TMEM163: variants seen among roughly 807,000 people sequenced by gnomAD.
TMEM163 encodes the protein transmembrane protein 163.
In TMEM163, 17 loss-of-function variants were observed where a neutral mutation model predicts 29.3. The observed-to-expected ratio is 0.58, with a 90% CI of 0.40 to 0.87. The LOEUF is 0.87. Among genes scored for constraint, TMEM163 ranks in the 40% least tolerant of loss-of-function variants. TMEM163 has a pLI of 0.00. For missense variants in TMEM163, 303 were observed against 381.5 expected (o/e 0.79, Z 1.71); for synonymous variants, 157 against 160.6 (o/e 0.98, Z 0.17).
intron 2 of TMEM163, among the ~76,000 whole-genome samples, chr2:134,599,682 C>T (rs927788321): frequency 2.0e-5 from 3 of 148,810 alleles, no homozygotes; most frequent in Non-Finnish European, 4.4e-5. Context: ...TAGCTATGTT[C>T]CCAACTTTAT....
intron 4 of TMEM163, among the ~76,000 whole-genome samples, chr2:134,523,736 G>A (rs1211829631): frequency 6.6e-6 from 1 of 152,190 alleles, no homozygotes; most frequent in African/African-American, 2.4e-5. Context: ...ATTAAACAGA[G>A]AAACGGGAAG....
Position 134,515,627 on chromosome 2 carries a change from G to C in TMEM163, c.459-12630C>G, listed in dbSNP as rs547769171. ...GAAATTTAAATGTGCCACAAAGGGA[G>C]TGTTTAAGTAACTGTGATACATCAA... On this transcript the variant is annotated intron_variant, in intron 4 of 7. Transcript: ENST00000281924. 2.0e-5 allele frequency among the ~76,000 whole-genome samples: 3 copies of C among 152,274 alleles called. No individual in the cohort carries two copies. The East Asian group carries it at 5.8e-4, about 29-fold the overall frequency.
chr2:134,541,725 T>C (rs1441725839), intron 4 of TMEM163, among the ~76,000 whole-genome samples: 1 of 151,722 alleles, frequency 6.6e-6, no homozygotes, highest in East Asian at 1.9e-4. Context: ...ACGTAGATCA[T>C]CTCTGTTTTA....
At chr2:134,511,654 G>A (rs1203325446) in intron 4 of TMEM163, among the ~76,000 whole-genome samples, 1 of 152,230 alleles carries the variant, frequency 6.6e-6, no homozygotes, top group African/African-American at 2.4e-5. Flanking sequence ...AGACTGGCCG[G>A]AATTCAGTGC....
rs1254633838 is a variant in TMEM163, at chr2:134,547,391, A to G, written c.458+3179T>C. ...TAAGGAAGGTTTCCAGTTGCTTTGC[A>G]TGACTAATTCAAGCTCAAGATTCAT... On this transcript the variant is annotated intron_variant, in intron 4 of 7. Coordinates refer to ENST00000281924, the MANE Select transcript of TMEM163 (RefSeq NM_030923.5). Among the ~76,000 whole-genome samples, 4 of 152,174 alleles carry G rather than the reference A, an allele frequency of 2.6e-5. No individual in the cohort carries two copies. The East Asian group carries it at 7.7e-4, about 29-fold the overall frequency.
rs140533387 is a variant in TMEM163, at chr2:134,564,638, T to C, written c.323-12547A>G. Among the ~76,000 whole-genome samples the C allele has an allele frequency of 4.0e-3, 616 of 152,244 alleles. 9 individuals are homozygous for C. The highest frequency in any genetic ancestry group is 0.014 in the African/African-American group (581 of 41,538). On this transcript the variant is annotated intron_variant, in intron 2 of 7. Transcript: ENST00000281924. ...CCAGGGGACTTATATCCAGAACATA[T>C]AGACTTATAAATCACTAAGAAAGAG...
intron 4 of TMEM163, among the ~76,000 whole-genome samples, chr2:134,508,911 C>T (rs535173482): frequency 1.3e-5 from 2 of 152,196 alleles, no homozygotes; most frequent in African/African-American, 4.8e-5. Flanking sequence ...CCTACCCTCT[C>T]CATGGTAAGA....
Position 134,523,823 on chromosome 2 carries a change from C to T in TMEM163, c.459-20826G>A, listed in dbSNP as rs146276530. Among the ~76,000 whole-genome samples, 762 of 152,258 alleles carry T rather than the reference C, an allele frequency of 5.0e-3. 11 individuals carry two copies. Among genetic ancestry groups the T allele is most frequent in the African/African-American group, 0.018 (733 of 41,546 alleles). On this transcript the variant is annotated intron_variant, in intron 4 of 7. Transcript: ENST00000281924. ...TCTCACCTGAGGAGATTTTTACCCC[C>T]ACTCCACCTCACTTCTCCCCCAACT...
chr2:134,468,983 A>C (rs1686730972), intron 5 of TMEM163: 1 of 152,226 alleles, frequency 6.6e-6, no homozygotes, highest in African/African-American at 2.4e-5. Flanking sequence ...TGGCAGTAAA[A>C]GGTACGAGTT....
At chr2:134,517,550 T>G (rs1680101650) in intron 4 of TMEM163, among the ~76,000 whole-genome samples, 1 of 152,220 alleles carries the variant, frequency 6.6e-6, no homozygotes, top group Admixed American at 6.5e-5. Flanking sequence ...CACACAGTTT[T>G]GTGTTTCATT....
chr2:134,655,803 T>C lies in TMEM163; in HGVS notation c.322+57397A>G, dbSNP rs1173482122. ...CAGCTGCAGGTCTGTTGGAATACCC[T>C]GCCGTGTGAGGTGTCAGTCTGCCCC... is the stretch of plus-strand genomic sequence containing the variant. On this transcript the variant is annotated intron_variant, in intron 2 of 7. Coordinates refer to ENST00000281924, the MANE Select transcript of TMEM163 (RefSeq NM_030923.5). Among the ~76,000 whole-genome samples the C allele has an allele frequency of 1.4e-5, 2 of 141,764 alleles. 1 individual carries two copies. Among genetic ancestry groups the C allele is most frequent in the East Asian group, 3.9e-4 (2 of 5,074 alleles). 93.0% of individuals were successfully genotyped at this position (141,764 alleles called of 152,430 possible).
chr2:134,508,172 T>A (rs1484402431), intron 4 of TMEM163, among the ~76,000 whole-genome samples: 1 of 152,200 alleles, frequency 6.6e-6, no homozygotes, highest in Non-Finnish European at 1.5e-5. Flanking sequence ...ATTGCCTGAG[T>A]CCTAGCCTAC....
intron 2 of TMEM163, among the ~76,000 whole-genome samples, chr2:134,595,439 A>C (rs1682054241): frequency 6.6e-6 from 1 of 152,226 alleles, no homozygotes; most frequent in Admixed American, 6.5e-5. Flanking sequence ...TACAAGGGAC[A>C]TGAACTCATC....
intron 4 of TMEM163, among the ~76,000 whole-genome samples, chr2:134,516,758 GAT>G (rs1558930418): frequency 1.5e-5 from 1 of 66,828 alleles, no homozygotes; most frequent in African/African-American, 8.0e-5. Context: ...TATATGAATA[GAT>G]ATATATGTGC....
chr2:134,639,167 C>G (rs1220709567), intron 2 of TMEM163, among the ~76,000 whole-genome samples: 4 of 152,194 alleles, frequency 2.6e-5, no homozygotes, highest in African/African-American at 9.7e-5. Context: ...GAGCTGCATT[C>G]CACCGAGCTG....
At chr2:134,590,751 C>G (rs1056901796) in intron 2 of TMEM163, among the ~76,000 whole-genome samples, 4 of 152,170 alleles carry the variant, frequency 2.6e-5, no homozygotes, top group African/African-American at 9.7e-5. Flanking sequence ...TATAGGGTAA[C>G]TCCTGACATT....
intron 2 of TMEM163, among the ~76,000 whole-genome samples, chr2:134,662,401 C>T (rs917124659): frequency 2.0e-5 from 3 of 152,118 alleles, no homozygotes; most frequent in Non-Finnish European, 4.4e-5. Flanking sequence ...GTATATGTGT[C>T]AAGCTCATGG....
intron 2 of TMEM163, among the ~76,000 whole-genome samples, chr2:134,560,485 G>T (rs1681143429): frequency 6.6e-6 from 1 of 152,282 alleles, no homozygotes; most frequent in East Asian, 1.9e-4. Context: ...AACACCGGGA[G>T]GCCCAGCCGT....
At chr2:134,598,932 A>AAG (rs1553484595) in intron 2 of TMEM163, among the ~76,000 whole-genome samples, 18 of 145,724 alleles carry the variant, frequency 1.2e-4, no homozygotes, top group Middle Eastern at 3.5e-3. Context: ...AAAAAAAAAA[A>AAG]AAAGAAAGAA....
Sources: gnomAD v4.1 joint callset for allele counts (sites outside exome capture counted in the v4.1 genomes callset) on GRCh38, gnomAD v4.1.1 for gene constraint, MANE v1.5 for transcripts, NCBI Gene and HGNC (gene_info 2026-07-23, HGNC 2026-07-21) for gene names.